EXOC6: variants seen among roughly 807,000 people sequenced by gnomAD.
EXOC6 encodes the protein exocyst complex component 6, also known as SEC15-like 1.
Under a neutral mutation model 112.5 loss-of-function variants are expected in EXOC6, and 60 were observed. That is an observed-to-expected ratio of 0.53 (90% CI 0.43 to 0.66). The LOEUF (loss-of-function observed/expected upper bound fraction) is 0.66, where lower values mean the gene tolerates loss of function less well. Among genes scored for constraint, EXOC6 ranks in the 30% least tolerant of loss-of-function variants. EXOC6 has a pLI of 0.00. For synonymous variants in EXOC6, 295 were observed against 308.0 expected, an observed-to-expected ratio of 0.96 and a Z score of 0.44; for missense variants, 855 against 957.1, an observed-to-expected ratio of 0.89 and a Z score of 1.41.
intron 20 of EXOC6, among the ~76,000 whole-genome samples, chr10:93,054,631 TA>T (rs1268658091): frequency 1.3e-5 from 2 of 152,230 alleles, no homozygotes; most frequent in Admixed American, 1.3e-4. Flanking sequence ...TCTTGTGCTG[TA>T]AAAGAATCAA....
At chr10:92,959,612 T>C (rs1446539201) in intron 17 of EXOC6, among the ~76,000 whole-genome samples, 8 of 152,160 alleles carry the variant, frequency 5.3e-5, no homozygotes, top group Non-Finnish European at 1.2e-4. Flanking sequence ...AAAAGACTTA[T>C]CTGATAAAGG....
chr10:93,036,359 A>C (rs1845516658), intron 20 of EXOC6, among the ~76,000 whole-genome samples: 1 of 152,158 alleles, frequency 6.6e-6, no homozygotes, highest in Admixed American at 6.5e-5. Context: ...ACATGTAGTT[A>C]TTTCCTTTTT....
At chr10:93,047,815 G>A (rs993158701) in intron 20 of EXOC6, among the ~76,000 whole-genome samples, 3 of 151,966 alleles carry the variant, frequency 2.0e-5, no homozygotes, top group African/African-American at 4.8e-5. Flanking sequence ...GTGTGGTGGC[G>A]TGTTCCTGTA....
intron 1 of EXOC6, among the ~76,000 whole-genome samples, chr10:92,840,626 T>A (rs1846812499): frequency 6.6e-6 from 1 of 152,172 alleles, no homozygotes; most frequent in Admixed American, 6.5e-5. Context: ...AAACTTTTTT[T>A]AATTTGACAA....
intron 14 of EXOC6, 51 bp from the exon 15 acceptor site, chr10:92,952,222 C>T (rs1853458927): frequency 1.8e-6 from 2 of 1,114,322 alleles, no homozygotes. Context: ...TAGTGATTAG[C>T]ATGTCTTTTT....
chr10:92,915,849 CAG>C lies in EXOC6; in HGVS notation c.758_759del (p.Glu253GlyfsTer4). 6.4e-7 allele frequency: 1 copy of C among 1,552,126 alleles called. No individual in the cohort carries two copies. Among genetic ancestry groups the C allele is most frequent in the Admixed American group, 2.2e-5 (1 of 45,436 alleles). On this transcript the variant is annotated frameshift_variant, in exon 7 of 22. Transcript: ENST00000260762. LOFTEE classifies it high-confidence loss of function. Reference sequence around the variant, plus strand: ...ATGTATATAAATCGTGATAGAATTCCAGAGGAAAGGAATGAAACTGTATTGAA... The same window carrying C: ...ATGTATATAAATCGTGATAGAATTCCAGGAAAGGAATGAAACTGTATTGAA...
intron 18 of EXOC6, chr10:92,987,554 G>A (rs781366114): frequency 2.0e-5 from 16 of 806,072 alleles, no homozygotes; most frequent in Non-Finnish European, 2.3e-5. Flanking sequence ...CACTGATTCT[G>A]CTGTGATTAG....
intron 13 of EXOC6, among the ~76,000 whole-genome samples, chr10:92,941,059 T>C (rs1165997929): frequency 6.6e-6 from 1 of 152,152 alleles, no homozygotes; most frequent in Non-Finnish European, 1.5e-5. Flanking sequence ...ATAGAAACTC[T>C]GTACTCACTT....
chr10:92,916,053 G>C (rs1851064811), intron 7 of EXOC6, 140 bp downstream of exon 7: 1 of 585,330 alleles, frequency 1.7e-6, no homozygotes, highest in Non-Finnish European at 2.8e-6. Flanking sequence ...AATGGAGTCA[G>C]TGTGTCAAAC....
chr10:92,999,098 C>T (rs1843631787), intron 19 of EXOC6, among the ~76,000 whole-genome samples: 2 of 152,110 alleles, frequency 1.3e-5, no homozygotes, highest in Non-Finnish European at 2.9e-5. Context: ...TCGCAAACTC[C>T]TGGCCTCAAG....
intron 17 of EXOC6, among the ~76,000 whole-genome samples, chr10:92,964,970 C>T (rs544818017): frequency 6.6e-6 from 1 of 152,180 alleles, no homozygotes; most frequent in Non-Finnish European, 1.5e-5. Flanking sequence ...GGAAGAGAAA[C>T]TGTCTCCCTC....
At chr10:92,943,950 C>G (rs1564850043) in intron 13 of EXOC6, among the ~76,000 whole-genome samples, 1 of 152,190 alleles carries the variant, frequency 6.6e-6, no homozygotes, top group Non-Finnish European at 1.5e-5. Flanking sequence ...CTTCTCTCTA[C>G]TTCTGTGAGT....
chr10:92,878,984 T>C (rs754429150), intron 1 of EXOC6, among the ~76,000 whole-genome samples: 17 of 152,186 alleles, frequency 1.1e-4, no homozygotes, highest in Non-Finnish European at 2.2e-4. Flanking sequence ...TGTTTCAAAG[T>C]TAGAATTAAA....
intron 18 of EXOC6, among the ~76,000 whole-genome samples, chr10:92,975,179 G>T (rs1391582628): frequency 1.3e-5 from 2 of 151,290 alleles, no homozygotes; most frequent in Non-Finnish European, 2.9e-5. Flanking sequence ...CTGCCTGGCC[G>T]CCCATCGTCT....
Position 92,997,566 on chromosome 10 carries a change from A to G in EXOC6, c.2046A>G (p.Ile682Met), listed in dbSNP as rs1160205611. ...QMLLDSELKQ[I>M]SMGAVQQFNL... ...TACTGGACAGTGAGTTAAAACAAAT[A>G]AGCATGGGAGCTGTTCAGCAGTTTA... Residue 682 changes from isoleucine (I) to methionine (M), a missense_variant, in exon 19 of 22, where the codon ATA becomes ATG. By Grantham distance (10) the Ile-to-Met change is conservative. This residue lies in a region of EXOC6 where 450 missense variants were observed against 563.5 expected (regional missense o/e 0.80). Coordinates refer to ENST00000260762, the MANE Select transcript of EXOC6 (RefSeq NM_019053.6). 1 of 1,613,686 alleles carries G rather than the reference A, an allele frequency of 6.2e-7. No homozygotes were observed. The highest frequency in any genetic ancestry group is 1.3e-5 in the African/African-American group (1 of 74,930).
chr10:92,998,933 A>G (rs1193385862), intron 19 of EXOC6, among the ~76,000 whole-genome samples: 1 of 152,136 alleles, frequency 6.6e-6, no homozygotes, highest in Non-Finnish European at 1.5e-5. Context: ...GTGCAGTGGC[A>G]CAGTCTCAGC....
chr10:92,938,128 A>C (rs1234602589), intron 12 of EXOC6, among the ~76,000 whole-genome samples: 1 of 152,174 alleles, frequency 6.6e-6, no homozygotes, highest in Non-Finnish European at 1.5e-5. Flanking sequence ...CTGAATCTAC[A>C]GTATTTGATA....
At chr10:92,864,079 GAGAAGAA>G (rs1430019328) in intron 1 of EXOC6, among the ~76,000 whole-genome samples, 1 of 152,108 alleles carries the variant, frequency 6.6e-6, no homozygotes, top group Non-Finnish European at 1.5e-5. Flanking sequence ...TTTCATAAGT[GAGAAGAA>G]ACCTTTTTTG....
Position 92,924,368 on chromosome 10 carries a change from T to C in EXOC6, c.889-3971T>C, listed in dbSNP as rs1851595255. Among the ~76,000 whole-genome samples, 2 of 152,212 alleles carry C rather than the reference T, an allele frequency of 1.3e-5. 1 individual carries two copies. Among genetic ancestry groups the C allele is most frequent in the Non-Finnish European group, 2.9e-5 (2 of 68,034 alleles). Reference sequence around the variant, plus strand: ...TTAGTAAAGCTGTATCTTTTAAACATGAATGGAGTGTTTTCTGGGGCTGCC... The same window carrying C: ...TTAGTAAAGCTGTATCTTTTAAACACGAATGGAGTGTTTTCTGGGGCTGCC... On this transcript the variant is annotated intron_variant, in intron 8 of 21. Transcript: ENST00000260762.
Sources: allele counts gnomAD v4.1 joint callset (sites outside exome capture counted in the v4.1 genomes callset), GRCh38; gene constraint gnomAD v4.1.1; regional missense constraint gnomAD v4.1.1; transcripts MANE v1.5; gene names NCBI Gene and HGNC (gene_info 2026-07-23, HGNC 2026-07-21).